The following ORC5 variants were observed in gnomAD, a reference collection of about 807,000 sequenced individuals.
ORC5 encodes protein phosphatase 1, regulatory subunit 117.
Under a neutral mutation model 58.8 loss-of-function variants are expected in ORC5, and 39 were observed. The observed-to-expected ratio is 0.66, with a 90% CI of 0.51 to 0.87. ORC5 has a LOEUF of 0.87. ORC5 is among the 40% of genes least tolerant of loss of function. The probability of loss-of-function intolerance (pLI) is 0.00; values close to 1 mark genes in which losing one functional copy is unlikely to be tolerated. For missense variants in ORC5, 493 were observed against 506.3 expected, an observed-to-expected ratio of 0.97 and a Z score of 0.25; for synonymous variants, 218 against 177.6, an observed-to-expected ratio of 1.23 and a Z score of -1.81.
At chr7:104,161,292 A>G (rs1799018208) in intron 11 of ORC5, 110 bp from the exon 12 acceptor site, 1 of 595,478 alleles carries the variant, frequency 1.7e-6, no homozygotes, top group South Asian at 2.1e-5. Flanking sequence ...TAGTTCCCCT[A>G]AAAATGCTAA....
chr7:104,167,389 A>C (rs1347439312), intron 9 of ORC5, among the ~76,000 whole-genome samples: 1 of 152,228 alleles, frequency 6.6e-6, no homozygotes, highest in Non-Finnish European at 1.5e-5. Context: ...CAAAGAAAAC[A>C]AGCATTTCCT....
intron 8 of ORC5, 69 bp downstream of exon 8, chr7:104,183,867 CTGTTATT>C: frequency 1.0e-6 from 1 of 975,664 alleles, no homozygotes; most frequent in African/African-American, 1.6e-5. Flanking sequence ...GTCCCTCTCT[CTGTTATT>C]TAAGTTGAGA....
chr7:104,134,416 CAAAAAAA>C (rs1170848776), intron 13 of ORC5, among the ~76,000 whole-genome samples: 5 of 51,812 alleles, frequency 9.7e-5, no homozygotes, highest in African/African-American at 1.4e-4. Context: ...CACTCCATCT[CAAAAAAA>C]AAAAAAAAAA....
chr7:104,126,869 T>C lies in ORC5; in HGVS notation c.1287A>G (p.Lys429=). The C allele has an allele frequency of 1.7e-5, 27 of 1,607,880 alleles. No individual in the cohort carries two copies. The highest frequency in any genetic ancestry group is 2.2e-5 in the Non-Finnish European group (26 of 1,175,558). Residue 429 remains lysine, a synonymous_variant, in exon 14 of 14, where the codon AAA becomes AAG. Coordinates refer to ENST00000297431, the MANE Select transcript of ORC5 (RefSeq NM_002553.4). ...GTTTTCACAAGAAATCATACAAGTA[T>C]TTTATTATGTCAAAGTTCACCGTCC... is the stretch of plus-strand genomic sequence containing the variant. ...IARTVNFDII[K]YLYDFL
intron 8 of ORC5, among the ~76,000 whole-genome samples, chr7:104,172,523 T>C (rs1015772858): frequency 1.3e-5 from 2 of 152,308 alleles, no homozygotes; most frequent in South Asian, 2.1e-4. Context: ...TAGTTAGTGA[T>C]AGAATAAGGC....
At chr7:104,198,870 C>T (rs972663988) in intron 3 of ORC5, among the ~76,000 whole-genome samples, 4 of 152,224 alleles carry the variant, frequency 2.6e-5, no homozygotes, top group Non-Finnish European at 5.9e-5. Context: ...CAGGGCCTTG[C>T]TGCTTTGTGC....
intron 12 of ORC5, among the ~76,000 whole-genome samples, chr7:104,158,372 C>T (rs1798963751): frequency 6.6e-6 from 1 of 152,006 alleles, no homozygotes. Context: ...CCATAAAAAC[C>T]CTAGAAGAAA....
chr7:104,126,680 C>A lies in ORC5; in HGVS notation c.*168G>T. 1 of 548,112 alleles carries A rather than the reference C, an allele frequency of 1.8e-6. No homozygotes were observed. Among genetic ancestry groups the A allele is most frequent in the Non-Finnish European group, 3.2e-6 (1 of 310,448 alleles). The allele number at this position is 548,112 out of a possible 1,614,324, so 34.0% of individuals were successfully genotyped here. ...TGGTAAATAGTCTTCTGCTCACATC[C>A]ACCCAGACCAATCAGAATATTTTCA... is the stretch of plus-strand genomic sequence containing the variant. On this transcript the variant is annotated 3_prime_UTR_variant, in exon 14 of 14. Coordinates refer to ENST00000297431, the MANE Select transcript of ORC5 (RefSeq NM_002553.4).
Position 104,137,386 on chromosome 7 carries a change from G to A in ORC5, c.1150-493C>T, listed in dbSNP as rs957719918. ...TCCTGCCTTGGCCTCCCAAAGGGTC[G>A]GTGATACAGGAGGGGGGCAGGGAAG... On this transcript the variant is annotated intron_variant, in intron 12 of 13. Coordinates refer to ENST00000297431, the MANE Select transcript of ORC5 (RefSeq NM_002553.4). 3.9e-5 allele frequency among the ~76,000 whole-genome samples: 6 copies of A among 152,016 alleles called. No individual in the cohort carries two copies. The South Asian group carries it at 6.2e-4, about 16-fold the overall frequency.
intron 13 of ORC5, among the ~76,000 whole-genome samples, chr7:104,128,817 A>C (rs1353403865): frequency 5.3e-5 from 8 of 151,632 alleles, no homozygotes; most frequent in African/African-American, 1.7e-4. Flanking sequence ...CTCCAGGCAC[A>C]TTTCTCCACA....
At chr7:104,127,749 T>A (rs939461508) in intron 13 of ORC5, among the ~76,000 whole-genome samples, 2 of 152,212 alleles carry the variant, frequency 1.3e-5, no homozygotes, top group African/African-American at 4.8e-5. Context: ...CAATATACTT[T>A]CTAAAAAAGT....
chr7:104,129,731 C>T lies in ORC5; in HGVS notation c.1263-2838G>A, dbSNP rs1027551107. Among the ~76,000 whole-genome samples the T allele has an allele frequency of 1.3e-5, 2 of 152,110 alleles. No homozygotes were observed. Among genetic ancestry groups the T allele is most frequent in the Admixed American group, 6.5e-5 (1 of 15,270 alleles). ...TGGTCACAGATGCATATTATAGTCACGTAAGTATAATTTTAAACTTTGGGA... is the reference window on the plus strand; with the variant it reads ...TGGTCACAGATGCATATTATAGTCATGTAAGTATAATTTTAAACTTTGGGA... On this transcript the variant is annotated intron_variant, in intron 13 of 13. Coordinates refer to ENST00000297431, the MANE Select transcript of ORC5 (RefSeq NM_002553.4). This position sits in a 1 kb window ranked among gnomAD's most constrained non-coding sequence, Gnocchi z 4.9.
In ORC5 at chr7:104,133,864, T is replaced by C. The variant is rs1317797206; in HGVS notation, c.1262+2917A>G. On this transcript the variant is annotated intron_variant, in intron 13 of 13. Transcript: ENST00000297431. The surrounding 1 kb of genome is among the most constrained non-coding windows in gnomAD (Gnocchi z 4.7). ...AGTTTTAAGAAAGAGTAGCCAACAGTGTCAGGTGCCACTGAGAGGACAAAC... is the reference window on the plus strand; with the variant it reads ...AGTTTTAAGAAAGAGTAGCCAACAGCGTCAGGTGCCACTGAGAGGACAAAC... 6.6e-6 allele frequency among the ~76,000 whole-genome samples: 1 copy of C among 152,012 alleles called. No individual in the cohort carries two copies. Among genetic ancestry groups the C allele is most frequent in the African/African-American group, 2.4e-5 (1 of 41,362 alleles).
chr7:104,197,401 T>A (rs1799825650), intron 4 of ORC5, among the ~76,000 whole-genome samples: 1 of 152,228 alleles, frequency 6.6e-6, no homozygotes, highest in Non-Finnish European at 1.5e-5. Context: ...ATCCTTATTT[T>A]GAAATGCAAA....
chr7:104,201,801 G>A (rs1051344648), intron 2 of ORC5, among the ~76,000 whole-genome samples: 163 of 152,080 alleles, frequency 1.1e-3, no homozygotes, highest in African/African-American at 3.7e-3. Flanking sequence ...AGGACTGTAA[G>A]CACTAGCTCT....
chr7:104,151,379 A>G (rs1437281871), intron 12 of ORC5, among the ~76,000 whole-genome samples: 1 of 152,172 alleles, frequency 6.6e-6, no homozygotes, highest in African/African-American at 2.4e-5. Context: ...TGAGGGTGGA[A>G]AAAAAGGAGA....
chr7:104,166,088 G>C (rs1178563981), intron 10 of ORC5, among the ~76,000 whole-genome samples: 1 of 151,952 alleles, frequency 6.6e-6, no homozygotes, highest in African/African-American at 2.4e-5. Context: ...ACAAAAAAAT[G>C]AATAAATATA....
At chr7:104,163,742 CGGCCTCCCAAAG>C (rs1449470922) in intron 11 of ORC5, among the ~76,000 whole-genome samples, 2 of 152,180 alleles carry the variant, frequency 1.3e-5, no homozygotes, top group African/African-American at 4.8e-5. Context: ...CCACCCGCCT[CGGCCTCCCAAAG>C]TGCTGGGACT....
chr7:104,188,473 AC>A (rs1412717083), intron 5 of ORC5, 92 bp from the exon 6 acceptor site: 20 of 893,980 alleles, frequency 2.2e-5, no homozygotes, highest in Non-Finnish European at 2.0e-5. Context: ...TAAAAAAAAA[AC>A]ACCCAGACCC....
Sources: gnomAD v4.1 joint callset for allele counts (sites outside exome capture counted in the v4.1 genomes callset) on GRCh38, gnomAD v4.1.1 for gene constraint, Gnocchi (gnomAD v3.1) non-coding constraint, MANE v1.5 for transcripts, NCBI Gene and HGNC (gene_info 2026-07-23, HGNC 2026-07-21) for gene names.